The following ACOT11 variants were observed in gnomAD, a reference collection of about 807,000 sequenced individuals.
The protein encoded by ACOT11 is acyl-CoA thioesterase 11.
Under a neutral mutation model 77.5 loss-of-function variants are expected in ACOT11, and 69 were observed. The ratio of observed to expected loss-of-function variants is 0.89; its 90% CI spans 0.73 to 1.09. ACOT11 has a LOEUF of 1.09. Among genes scored for constraint, ACOT11 ranks in the 50% least tolerant of loss-of-function variants. The pLI is 0.00. For synonymous variants in ACOT11, 279 were observed against 313.0 expected, an observed-to-expected ratio of 0.89 and a Z score of 1.15; for missense variants, 766 against 813.7, an observed-to-expected ratio of 0.94 and a Z score of 0.71.
intron 15 of ACOT11, among the ~76,000 whole-genome samples, chr1:54,619,567 G>A (rs1368764556): frequency 1.3e-5 from 2 of 152,164 alleles, no homozygotes; most frequent in East Asian, 1.9e-4. Context: ...GGCTTTGAAG[G>A]TAAAGGCTTC....
intron 1 of ACOT11, among the ~76,000 whole-genome samples, chr1:54,558,486 C>T (rs1241795758): frequency 3.3e-5 from 5 of 152,198 alleles, no homozygotes; most frequent in Non-Finnish European, 7.3e-5. Context: ...GTCTGGAGAA[C>T]AGGGAGCTGT....
intron 15 of ACOT11, chr1:54,616,243 C>G: frequency 7.4e-7 from 1 of 1,343,830 alleles, no homozygotes; most frequent in Non-Finnish European, 1.0e-6. Context: ...ATCATAAAAG[C>G]ATTACAAATT....
rs12403630 is a variant in ACOT11 at position 54,608,046 on chromosome 1, G to T, written c.1607G>T (p.Arg536Leu). The change falls in exon 15 of 16, where the codon CGC becomes CTC. Residue 536 changes from arginine to leucine, a missense_variant. Coordinates refer to ENST00000343744, the MANE Select transcript of ACOT11 (RefSeq NM_147161.4). Reference protein sequence around the residue: ...ETLCSGFCLWREGDQLTKVSY... With the variant: ...ETLCSGFCLWLEGDQLTKVSY... Reference sequence around the variant, plus strand: ...CTCTGCTCAGGCTTCTGCCTCTGGCGCGAGGGGGACCAGCTGACCAAGGTG... The same window carrying T: ...CTCTGCTCAGGCTTCTGCCTCTGGCTCGAGGGGGACCAGCTGACCAAGGTG... 6.2e-6 allele frequency: 10 copies of T among 1,611,490 alleles called. No homozygotes were observed. In the South Asian group the frequency reaches 9.9e-5, roughly 16 times the overall value.
intron 1 of ACOT11, among the ~76,000 whole-genome samples, chr1:54,572,172 C>T (rs886110830): frequency 6.7e-6 from 1 of 149,322 alleles, no homozygotes; most frequent in African/African-American, 2.4e-5. Context: ...TGCATTGTTC[C>T]TTCCCTCCTG....
Position 54,605,146 on chromosome 1 carries a change from C to T in ACOT11, c.1307C>T (p.Ala436Val). The change falls in exon 13 of 16, where the codon GCA becomes GTA. Residue 436 changes from alanine to valine, a missense_variant. By Grantham distance (64) the Ala-to-Val change is moderately conservative (BLOSUM62 0). Transcript: ENST00000343744. ...ATGGAGATGGTGGTGCATGTGGATG[C>T]AGCCCAGGCCTTCCTGCTGCTCTCG... ...FHMEMVVHVD[A>V]AQAFLLLSDL... 6.2e-7 allele frequency: 1 copy of T among 1,613,946 alleles called. No individual in the cohort carries two copies.
At chr1:54,562,135 A>T (rs1400317558) in intron 1 of ACOT11, among the ~76,000 whole-genome samples, 5 of 49,562 alleles carry the variant, frequency 1.0e-4, no homozygotes, top group African/African-American at 3.5e-4. Context: ...CTGGCCGGGC[A>T]GAGGGGCTCC....
At chr1:54,604,228 C>T in intron 11 of ACOT11, 118 bp from the exon 12 acceptor site, 1 of 911,234 alleles carries the variant, frequency 1.1e-6, no homozygotes, top group Non-Finnish European at 1.7e-6. Context: ...TGCCGCACCA[C>T]CCACCCACCG....
At position 54,563,241 on chromosome 1, in the gene ACOT11, C is replaced by T. The variant is rs59055999; in HGVS notation, c.33+14899C>T. On this transcript the variant is annotated intron_variant, in intron 1 of 15. Coordinates refer to ENST00000343744, the MANE Select transcript of ACOT11 (RefSeq NM_147161.4). ...GCCTCAAGTGATCCTTCTGCCTTGG[C>T]CTCTGAAAGTGCTGGGATTATAGGT... is the stretch of plus-strand genomic sequence containing the variant. Among the ~76,000 whole-genome samples, 846 of 152,354 alleles carry T rather than the reference C, an allele frequency of 5.6e-3. 22 individuals are homozygous for T. Among genetic ancestry groups the T allele is most frequent in the Admixed American group, 0.035 (536 of 15,302 alleles).
rs765149719 is a variant in ACOT11 at position 54,616,147 on chromosome 1, G to A, written c.1629+8079G>A. The A allele has an allele frequency of 2.2e-5, 35 of 1,613,986 alleles. 1 individual carries two copies. Among genetic ancestry groups the A allele is most frequent in the Admixed American group, 1.3e-4 (8 of 59,990 alleles). On this transcript the variant is annotated intron_variant, in intron 15 of 16. Coordinates refer to the ACOT11 transcript ENST00000371316. ...CTGTGCCGAGCCCTTCTACATTGAC[G>A]TCAGCCTCCAGGACTGTGATGTTGC...
exon 17 of ACOT11, chr1:54,634,844 A>T (rs1644322263): frequency 3.3e-6 from 2 of 613,404 alleles, no homozygotes; most frequent in South Asian, 3.8e-5. Context: ...CATGAGCAAC[A>T]CCCGTCGAAC....
At chr1:54,615,568 G>A (rs1644164203) in intron 15 of ACOT11, among the ~76,000 whole-genome samples, 1 of 152,170 alleles carries the variant, frequency 6.6e-6, no homozygotes, top group Admixed American at 6.5e-5. Context: ...ACTAGATGGG[G>A]GCAGGGTTAG....
chr1:54,616,427 G>A (rs1569792615), intron 15 of ACOT11, among the ~76,000 whole-genome samples: 1 of 151,502 alleles, frequency 6.6e-6, no homozygotes, highest in East Asian at 1.9e-4. Context: ...GCAGTGGTGT[G>A]ATCTTGGCTC....
At chr1:54,555,602 G>C (rs1055817932) in intron 1 of ACOT11, among the ~76,000 whole-genome samples, 3 of 151,948 alleles carry the variant, frequency 2.0e-5, no homozygotes, top group Non-Finnish European at 4.4e-5. Flanking sequence ...ATCTATTTTT[G>C]CTTTTGTTGC....
chr1:54,593,163 G>A (rs1280248450), intron 4 of ACOT11, among the ~76,000 whole-genome samples: 1 of 152,244 alleles, frequency 6.6e-6, no homozygotes, highest in African/African-American at 2.4e-5. Flanking sequence ...TTCACCAGCT[G>A]GGCCAGTGGT....
chr1:54,585,740 G>C lies in ACOT11; in HGVS notation c.242-95G>C. On this transcript the variant is annotated intron_variant, in intron 2 of 15. Coordinates refer to ENST00000343744, the MANE Select transcript of ACOT11 (RefSeq NM_147161.4). ...TGGTGGGAGTTGTGGCCTTGGCTTGGGCGGCTGGAGAAGCCTCCTGAGGAG... is the reference window on the plus strand; with the variant it reads ...TGGTGGGAGTTGTGGCCTTGGCTTGCGCGGCTGGAGAAGCCTCCTGAGGAG... The C allele has an allele frequency of 2.3e-6, 3 of 1,301,576 alleles. No homozygotes were observed. The South Asian group carries it at 3.9e-5, about 17-fold the overall frequency. 80.6% of individuals were successfully genotyped at this position (1,301,576 alleles called of 1,614,324 possible).
In ACOT11 at chr1:54,632,467, A is replaced by T. The variant is rs1279129457; in HGVS notation, c.1782+1581A>T. Among the ~76,000 whole-genome samples, 5 of 152,364 alleles carry T rather than the reference A, an allele frequency of 3.3e-5. No individual in the cohort carries two copies. In the South Asian group the frequency reaches 6.2e-4, roughly 19 times the overall value. On this transcript the variant is annotated intron_variant, in intron 16 of 16. Transcript: ENST00000371316. Reference sequence around the variant, plus strand: ...GTAAGTTTAAAAGGTATACAAATACATACAGGAGTCATTGATTCAGATTAC... The same window carrying T: ...GTAAGTTTAAAAGGTATACAAATACTTACAGGAGTCATTGATTCAGATTAC...
intron 1 of ACOT11, among the ~76,000 whole-genome samples, chr1:54,561,095 T>A (rs1227224497): frequency 2.1e-5 from 3 of 145,670 alleles, no homozygotes; most frequent in East Asian, 2.0e-4. Context: ...TTTTTTATTT[T>A]TTTTTATTTT....
intron 1 of ACOT11, among the ~76,000 whole-genome samples, chr1:54,553,478 TA>T (rs567025871): frequency 0.012 from 1,714 of 143,440 alleles, 15 homozygotes; most frequent in African/African-American, 0.025. Flanking sequence ...AAAAAAACAT[TA>T]AAAAAAAAAA....
At chr1:54,597,485 G>A in intron 7 of ACOT11, 70 bp downstream of exon 7, 1 of 1,500,418 alleles carries the variant, frequency 6.7e-7, no homozygotes, top group Non-Finnish European at 8.9e-7. Context: ...ACCTCCCTCT[G>A]GAGGGGAAAC....
Sources: gnomAD v4.1 joint callset for allele counts (sites outside exome capture counted in the v4.1 genomes callset) on GRCh38, gnomAD v4.1.1 for gene constraint, MANE v1.5 for transcripts, NCBI Gene and HGNC (gene_info 2026-07-23, HGNC 2026-07-21) for gene names.